ACYP2: variants seen among roughly 807,000 people sequenced by gnomAD.
ACYP2 encodes the protein acylphosphatase 2.
Under a neutral mutation model 11.2 loss-of-function variants are expected in ACYP2, and 12 were observed. The observed-to-expected ratio is 1.08, with a 90% CI of 0.69 to 1.74. The LOEUF (loss-of-function observed/expected upper bound fraction) is 1.74, where lower values mean the gene tolerates loss of function less well. Among genes scored for constraint, ACYP2 ranks in the 40% most tolerant of loss-of-function variants. The pLI is 0.00. For synonymous variants in ACYP2, 43 were observed against 32.2 expected (o/e 1.33, Z -1.13); for missense variants, 134 against 101.9 (o/e 1.31, Z -1.35).
At chr2:54,061,651 A>G (rs544890872) in intron 4 of ACYP2, among the ~76,000 whole-genome samples, 4 of 152,218 alleles carry the variant, frequency 2.6e-5, no homozygotes, top group Non-Finnish European at 5.9e-5. Flanking sequence ...AGGTTTTAGA[A>G]TCAGGCTTAG....
rs1464605453 is a variant in ACYP2, at chr2:54,138,728, A to G, written c.384A>G (p.Pro128=). The G allele has an allele frequency of 7.4e-6, 12 of 1,613,828 alleles. No individual in the cohort carries two copies. The highest frequency in any genetic ancestry group is 1.1e-5 in the South Asian group (1 of 91,048). The stretch of plus-strand genomic sequence containing the variant: ...CCGTGACAGGCCAAGTGCAGGGGCC[A>G]GAAGACAAAGTCAATTCCATGTGAG... Residue 128 remains proline, a synonymous_variant, in exon 6 of 7, where the codon CCA becomes CCG. Transcript: ENST00000607452.
intron 6 of ACYP2, among the ~76,000 whole-genome samples, chr2:54,207,201 G>GTGTGTGTGTGTGTGTGTGTC: frequency 6.6e-6 from 1 of 151,502 alleles, no homozygotes; most frequent in Non-Finnish European, 1.5e-5. Context: ...GTGTGTGTGT[G>GTGTGTGTGTGTGTGTGTGTC]TGTGTATAAA....
intron 6 of ACYP2, among the ~76,000 whole-genome samples, chr2:54,169,227 T>C (rs1340046695): frequency 6.6e-6 from 1 of 152,176 alleles, no homozygotes; most frequent in Non-Finnish European, 1.5e-5. Context: ...TGTGGTGCCA[T>C]TGGAGTTGCA....
chr2:54,226,072 A>T (rs749868514), intron 6 of ACYP2, among the ~76,000 whole-genome samples: 4 of 152,192 alleles, frequency 2.6e-5, no homozygotes, highest in Non-Finnish European at 5.9e-5. Flanking sequence ...GTTTGTGAGA[A>T]AATGAAGTCT....
intron 3 of ACYP2, among the ~76,000 whole-genome samples, chr2:54,055,856 CAT>C (rs1365052010): frequency 4.6e-5 from 7 of 152,282 alleles, no homozygotes; most frequent in Admixed American, 3.3e-4. Context: ...TATTCTGTAA[CAT>C]GTGTTGTGAT....
At chr2:54,203,891 T>C (rs1684958132) in intron 6 of ACYP2, among the ~76,000 whole-genome samples, 1 of 152,204 alleles carries the variant, frequency 6.6e-6, no homozygotes, top group Non-Finnish European at 1.5e-5. Context: ...TAGATTATAT[T>C]AAGCTTGTCC....
chr2:54,076,979 C>G (rs927928863), intron 4 of ACYP2, among the ~76,000 whole-genome samples: 1 of 149,968 alleles, frequency 6.7e-6, no homozygotes, highest in Non-Finnish European at 1.5e-5. Context: ...TATTTGGAAA[C>G]AAAACCGTAT....
chr2:54,020,369 A>G (rs1005075955), intron 2 of ACYP2, among the ~76,000 whole-genome samples: 1 of 152,244 alleles, frequency 6.6e-6, no homozygotes, highest in Non-Finnish European at 1.5e-5. Flanking sequence ...TTAAAAAATA[A>G]TGCTCCTAAA....
intron 2 of ACYP2, among the ~76,000 whole-genome samples, chr2:54,011,882 A>C (rs1452741307): frequency 3.9e-5 from 6 of 152,106 alleles, no homozygotes; most frequent in African/African-American, 1.4e-4. Context: ...TCTAGCTTTT[A>C]GGTTGTCTAC....
intron 6 of ACYP2, chr2:54,141,930 TG>T: frequency 1.7e-6 from 1 of 601,542 alleles, no homozygotes; most frequent in Non-Finnish European, 3.1e-6. Context: ...CTTGACCTTC[TG>T]GGCTCAAGTG....
At chr2:54,265,754 G>A (rs1266124225) in intron 6 of ACYP2, among the ~76,000 whole-genome samples, 1 of 152,196 alleles carries the variant, frequency 6.6e-6, no homozygotes, top group African/African-American at 2.4e-5. Flanking sequence ...AAATAACCTT[G>A]GGAAAGTTAC....
At chr2:54,065,105 A>AAATC (rs1676675126) in intron 4 of ACYP2, among the ~76,000 whole-genome samples, 1 of 151,624 alleles carries the variant, frequency 6.6e-6, no homozygotes, top group Non-Finnish European at 1.5e-5. Flanking sequence ...ATAAATAAAT[A>AAATC]AATAAATAAA....
chr2:54,264,114 G>A (rs1687909698), intron 6 of ACYP2, among the ~76,000 whole-genome samples: 1 of 152,210 alleles, frequency 6.6e-6, no homozygotes, highest in Middle Eastern at 3.2e-3. Flanking sequence ...GGTGTGTGCA[G>A]AGTTTGTTCC....
At chr2:54,125,125 A>C (rs984103924) in intron 4 of ACYP2, among the ~76,000 whole-genome samples, 4 of 152,274 alleles carry the variant, frequency 2.6e-5, no homozygotes, top group Non-Finnish European at 5.9e-5. Flanking sequence ...TAAAAAAAAA[A>C]ACTCAAAACA....
rs545872036 is a variant in ACYP2, at chr2:54,228,939, A to G, written c.405-75749A>G. Among the ~76,000 whole-genome samples, 3 of 152,312 alleles carry G rather than the reference A, an allele frequency of 2.0e-5. No individual in the cohort carries two copies. The East Asian group carries it at 5.8e-4, about 29-fold the overall frequency. On this transcript the variant is annotated intron_variant, in intron 6 of 6. Coordinates refer to ENST00000607452, the MANE Select transcript of ACYP2 (RefSeq NM_001320586.2). ...TCAGAGCAAAATCAGAGATAAAATA[A>G]TTCAAAGTAGAGGCAGCATTTCTTG...
chr2:54,070,270 C>CAAAAAAAA (rs200624759), intron 4 of ACYP2, among the ~76,000 whole-genome samples: 2 of 89,928 alleles, frequency 2.2e-5, no homozygotes. Flanking sequence ...AAGTCCATCT[C>CAAAAAAAA]AAAAAAAAAA....
At chr2:54,122,139 C>A (rs1680194692) in intron 4 of ACYP2, among the ~76,000 whole-genome samples, 1 of 152,154 alleles carries the variant, frequency 6.6e-6, no homozygotes, top group Non-Finnish European at 1.5e-5. Flanking sequence ...TAGATCACTT[C>A]CTGCATTCAA....
At chr2:54,073,510 C>T (rs1310869492) in intron 4 of ACYP2, among the ~76,000 whole-genome samples, 2 of 151,896 alleles carry the variant, frequency 1.3e-5, no homozygotes, top group African/African-American at 4.8e-5. Context: ...ACACAAGCAA[C>T]AAAAGGAAAA....
chr2:53,973,349 C>G (rs1671267328), intron 1 of ACYP2, among the ~76,000 whole-genome samples: 1 of 152,138 alleles, frequency 6.6e-6, no homozygotes, highest in Non-Finnish European at 1.5e-5. Context: ...TGTCAGGCCT[C>G]TGAGCCCAAG....
Sources: allele counts gnomAD v4.1 joint callset (sites outside exome capture counted in the v4.1 genomes callset), GRCh38; gene constraint gnomAD v4.1.1; transcripts MANE v1.5; gene names NCBI Gene and HGNC (gene_info 2026-07-23, HGNC 2026-07-21).